Variants in RXFP1 observed in about 807,000 individuals in gnomAD.
RXFP1 encodes relaxin family peptide receptor 1, also known as relaxin receptor 1.
Under a neutral mutation model 89.8 loss-of-function variants are expected in RXFP1, and 73 were observed. That is an observed-to-expected ratio of 0.81 (90% confidence interval 0.67 to 0.99). The LOEUF (loss-of-function observed/expected upper bound fraction) is 0.99. Among genes scored for constraint, RXFP1 ranks in the 50% least tolerant of loss-of-function variants. RXFP1 has a pLI of 0.00. For missense variants in RXFP1, 793 were observed against 895.5 expected (o/e 0.89, Z 1.46); for synonymous variants, 277 against 305.5 (o/e 0.91, Z 0.97).
At chr4:158,621,139 AAAAAAAT>A (rs924686244) in intron 9 of RXFP1, among the ~76,000 whole-genome samples, 1 of 152,104 alleles carries the variant, frequency 6.6e-6, no homozygotes, top group Non-Finnish European at 1.5e-5. Flanking sequence ...CTGTCTCAAA[AAAAAAAT>A]AAAAAATAAA....
chr4:158,627,705 A>G (rs1203212151), intron 10 of RXFP1, among the ~76,000 whole-genome samples: 3 of 152,082 alleles, frequency 2.0e-5, no homozygotes, highest in African/African-American at 4.8e-5. Flanking sequence ...CCCCATTCCA[A>G]TGGGTTCCAA....
intron 1 of RXFP1, among the ~76,000 whole-genome samples, chr4:158,550,530 T>G (rs1396632355): frequency 1.3e-5 from 2 of 152,190 alleles, no homozygotes; most frequent in African/African-American, 4.8e-5. Context: ...AAATCACCCA[T>G]CTTCTGCATT....
At chr4:158,574,151 G>A (rs185588041) in intron 2 of RXFP1, among the ~76,000 whole-genome samples, 1 of 152,106 alleles carries the variant, frequency 6.6e-6, no homozygotes, top group East Asian at 1.9e-4. Flanking sequence ...AATAAACTTC[G>A]GTTAATAATG....
At chr4:158,612,648 T>A (rs1238703291) in intron 8 of RXFP1, among the ~76,000 whole-genome samples, 3 of 151,186 alleles carry the variant, frequency 2.0e-5, no homozygotes, top group Non-Finnish European at 4.4e-5. Flanking sequence ...TCTCACTGTA[T>A]CGCCCAGGCT....
At chr4:158,612,469 A>C in intron 8 of RXFP1, 107 bp downstream of exon 8, 1 of 746,622 alleles carries the variant, frequency 1.3e-6, no homozygotes, top group Non-Finnish European at 2.2e-6. Context: ...AACCCCAAAG[A>C]GGCCTTTTCA....
At chr4:158,594,396 A>G (rs1030028873) in intron 3 of RXFP1, among the ~76,000 whole-genome samples, 21 of 152,240 alleles carry the variant, frequency 1.4e-4, no homozygotes, top group African/African-American at 4.8e-4. Flanking sequence ...GGGTGGCACT[A>G]TCATAATTGC....
intron 1 of RXFP1, 73 bp from the exon 2 acceptor site, chr4:158,572,623 CAG>C (rs1011990096): frequency 1.6e-6 from 2 of 1,266,744 alleles, no homozygotes; most frequent in African/African-American, 3.0e-5. Flanking sequence ...TATAAAATAT[CAG>C]GGAGAAACTG....
At chr4:158,585,931 T>C (rs1300706550) in intron 2 of RXFP1, among the ~76,000 whole-genome samples, 1 of 152,202 alleles carries the variant, frequency 6.6e-6, no homozygotes, top group East Asian at 1.9e-4. Flanking sequence ...TTAAAAGCAA[T>C]ACACTCCGAG....
intron 14 of RXFP1, among the ~76,000 whole-genome samples, chr4:158,643,256 GCT>G (rs1349140566): frequency 6.6e-6 from 1 of 152,018 alleles, no homozygotes; most frequent in African/African-American, 2.4e-5. Flanking sequence ...TTTTCAGGCT[GCT>G]CTTTGTTAGA....
intron 1 of RXFP1, among the ~76,000 whole-genome samples, chr4:158,547,936 G>C (rs1258264444): frequency 2.0e-5 from 3 of 152,124 alleles, no homozygotes; most frequent in Non-Finnish European, 4.4e-5. Context: ...GTTGATTTGG[G>C]GTGGAAAGTT....
At chr4:158,547,920 T>C (rs1421453020) in intron 1 of RXFP1, among the ~76,000 whole-genome samples, 1 of 152,216 alleles carries the variant, frequency 6.6e-6, no homozygotes, top group East Asian at 1.9e-4. Flanking sequence ...AAAAAATGTA[T>C]ATTCTGTTGA....
chr4:158,580,794 T>A (rs969300822), intron 2 of RXFP1, among the ~76,000 whole-genome samples: 1 of 152,174 alleles, frequency 6.6e-6, no homozygotes, highest in African/African-American at 2.4e-5. Flanking sequence ...TATGCATGAC[T>A]ACTTTTTTTA....
chr4:158,600,306 G>A (rs963498216), intron 4 of RXFP1, among the ~76,000 whole-genome samples: 2 of 152,042 alleles, frequency 1.3e-5, no homozygotes. Flanking sequence ...TGGTATATGA[G>A]GTAAGAGCTA....
rs776307882 is a variant in RXFP1, at chr4:158,646,800, G to A, written c.1355G>A (p.Cys452Tyr). The A allele has an allele frequency of 1.9e-6, 3 of 1,606,372 alleles. No individual in the cohort carries two copies. Among genetic ancestry groups the A allele is most frequent in the Non-Finnish European group, 2.6e-6 (3 of 1,174,794 alleles). ...ACTATGACTCCTCTAGGTGCCGACT[G>A]CTTAATGGGAATATATTTATTCGTG... ...MSIISLCCADCLMGIYLFVIG... is the reference protein window; with the variant it reads ...MSIISLCCADYLMGIYLFVIG... Residue 452 changes from cysteine to tyrosine, a missense_variant, in exon 16 of 18, where the codon TGC (cysteine) becomes TAC (tyrosine). Coordinates refer to ENST00000307765, the MANE Select transcript of RXFP1 (RefSeq NM_021634.4).
At chr4:158,604,619 A>G (rs1762249010) in intron 4 of RXFP1, among the ~76,000 whole-genome samples, 1 of 152,190 alleles carries the variant, frequency 6.6e-6, no homozygotes, top group South Asian at 2.1e-4. Context: ...ATAGGTACCA[A>G]TTGATGTTTT....
intron 6 of RXFP1, among the ~76,000 whole-genome samples, chr4:158,610,936 T>C (rs1763469432): frequency 6.6e-6 from 1 of 152,084 alleles, no homozygotes; most frequent in Admixed American, 6.5e-5. Flanking sequence ...ACTCAAGATA[T>C]GAAAGACTGA....
chr4:158,646,007 G>A (rs1771472904), intron 15 of RXFP1, among the ~76,000 whole-genome samples: 1 of 152,144 alleles, frequency 6.6e-6, no homozygotes, highest in Non-Finnish European at 1.5e-5. Context: ...CTTAGGGTCA[G>A]CCTTGTGATT....
chr4:158,600,630 T>G (rs916315433), intron 4 of RXFP1, among the ~76,000 whole-genome samples: 2 of 151,986 alleles, frequency 1.3e-5, no homozygotes, highest in Non-Finnish European at 2.9e-5. Context: ...AATTTATGAA[T>G]AGTCTGGGCA....
At chr4:158,629,943 A>C (rs1767707815) in intron 11 of RXFP1, among the ~76,000 whole-genome samples, 1 of 152,194 alleles carries the variant, frequency 6.6e-6, no homozygotes, top group Non-Finnish European at 1.5e-5. Context: ...TCTTCTGGAA[A>C]GAATCTGAAT....
Sources: allele counts gnomAD v4.1 joint callset (sites outside exome capture counted in the v4.1 genomes callset), GRCh38; gene constraint gnomAD v4.1.1; transcripts MANE v1.5; gene names NCBI Gene and HGNC (gene_info 2026-07-23, HGNC 2026-07-21).